Variants in CDKL1 observed in about 807,000 individuals in gnomAD.
The protein encoded by CDKL1 is cyclin dependent kinase like 1, also known as cyclin-dependent kinase-like 1.
CDKL1 carries 41 observed loss-of-function variants against 42.0 expected under a neutral mutation model. The observed-to-expected ratio is 0.98, with a 90% confidence interval of 0.76 to 1.27. CDKL1 has a LOEUF of 1.27. Among genes scored for constraint, CDKL1 ranks in the 50% most tolerant of loss-of-function variants. CDKL1 has a pLI of 0.00. For synonymous variants in CDKL1, 153 were observed against 158.6 expected (o/e 0.96, Z 0.26); for missense variants, 394 against 428.4 (o/e 0.92, Z 0.71).
chr14:50,344,763 T>C (rs756083170), intron 4 of CDKL1, among the ~76,000 whole-genome samples: 16 of 152,204 alleles, frequency 1.1e-4, no homozygotes, highest in Non-Finnish European at 1.8e-4. Context: ...GGAGCCACCA[T>C]GCCTGGCACT....
chr14:50,348,135 TAA>T (rs999067027), intron 3 of CDKL1, among the ~76,000 whole-genome samples: 6 of 152,260 alleles, frequency 3.9e-5, no homozygotes, highest in Admixed American at 1.3e-4. Context: ...GAATGAAAGA[TAA>T]TTAACTTAAC....
chr14:50,393,209 C>T (rs2035308633), intron 2 of CDKL1, among the ~76,000 whole-genome samples: 1 of 152,190 alleles, frequency 6.6e-6, no homozygotes, highest in Non-Finnish European at 1.5e-5. Flanking sequence ...TTTCACCATT[C>T]AACAAGCACC....
At chr14:50,342,769 C>T (rs1324245314) in intron 4 of CDKL1, 1 of 751,774 alleles carries the variant, frequency 1.3e-6, no homozygotes, top group Non-Finnish European at 1.8e-6. Context: ...CAGTCAGCCT[C>T]GTAAACAGGA....
At chr14:50,351,559 T>C (rs555747063) in intron 3 of CDKL1, among the ~76,000 whole-genome samples, 2 of 151,628 alleles carry the variant, frequency 1.3e-5, no homozygotes, top group Non-Finnish European at 2.9e-5. Context: ...CATGGTGATA[T>C]CCCATCTCTA....
chr14:50,381,346 C>T (rs2034901619), intron 2 of CDKL1, among the ~76,000 whole-genome samples: 1 of 152,162 alleles, frequency 6.6e-6, no homozygotes, highest in Admixed American at 6.5e-5. Flanking sequence ...TGACCACTGT[C>T]CTAAGAAAAC....
chr14:50,336,549 T>G (rs1295588042), intron 7 of CDKL1, among the ~76,000 whole-genome samples: 2 of 152,064 alleles, frequency 1.3e-5, no homozygotes, highest in African/African-American at 4.8e-5. Context: ...GCAGAAACCT[T>G]CATTGTGGGA....
chr14:50,362,165 TCC>T, intron 2 of CDKL1: 1 of 216,072 alleles, frequency 4.6e-6, no homozygotes, highest in South Asian at 3.4e-5. Flanking sequence ...GAGCCTCCCC[TCC>T]CCACCCCCCC....
intron 3 of CDKL1, chr14:50,358,144 G>A (rs952147450): frequency 8.3e-6 from 11 of 1,331,934 alleles, no homozygotes; most frequent in African/African-American, 1.5e-5. Context: ...TGTTGCATAT[G>A]CTAGAGAGAG....
At chr14:50,387,619 T>G (rs2035126653) in intron 2 of CDKL1, among the ~76,000 whole-genome samples, 1 of 152,094 alleles carries the variant, frequency 6.6e-6, no homozygotes, top group African/African-American at 2.4e-5. Flanking sequence ...AGGACCCCAG[T>G]TTGCCCCAGT....
chr14:50,334,351 C>G (rs1341356749), intron 8 of CDKL1: 10 of 444,492 alleles, frequency 2.2e-5, no homozygotes, highest in Non-Finnish European at 3.2e-5. Flanking sequence ...ACGGTTTCAC[C>G]ATGTTGACCA....
chr14:50,359,734 A>G (rs1401807485), intron 2 of CDKL1, among the ~76,000 whole-genome samples: 1 of 151,554 alleles, frequency 6.6e-6, no homozygotes, highest in Admixed American at 6.6e-5. Flanking sequence ...GGCCGTGTAC[A>G]TAACAGGCAT....
chr14:50,373,633 G>A lies in CDKL1; in HGVS notation c.169-14484C>T, dbSNP rs532100373. On this transcript the variant is annotated intron_variant, in intron 2 of 9. Coordinates refer to ENST00000395834, the MANE Select transcript of CDKL1 (RefSeq NM_004196.7). ...TCTGAGCAGATACCTCACTGAAGAA[G>A]ATATAATACAGATGGGAAATTTTAA... Among the ~76,000 whole-genome samples the A allele has an allele frequency of 1.2e-3, 179 of 152,254 alleles. 2 individuals are homozygous for A. The highest frequency in any genetic ancestry group is 4.2e-3 in the African/African-American group (174 of 41,546).
chr14:50,385,409 C>G (rs934831390), intron 2 of CDKL1, among the ~76,000 whole-genome samples: 4 of 152,136 alleles, frequency 2.6e-5, no homozygotes, highest in African/African-American at 9.7e-5. Flanking sequence ...GCACATTCCA[C>G]AAAACAGATG....
chr14:50,349,921 A>G (rs1430199825), intron 3 of CDKL1, among the ~76,000 whole-genome samples: 1 of 152,090 alleles, frequency 6.6e-6, no homozygotes, highest in African/African-American at 2.4e-5. Context: ...GGCACACACC[A>G]CCACACCCAG....
intron 2 of CDKL1, among the ~76,000 whole-genome samples, chr14:50,376,620 A>T (rs1288862655): frequency 6.6e-6 from 1 of 152,212 alleles, no homozygotes; most frequent in Non-Finnish European, 1.5e-5. Flanking sequence ...GTAATTTTAT[A>T]AAAAATATAT....
intron 2 of CDKL1, among the ~76,000 whole-genome samples, chr14:50,371,636 T>A (rs1566600148): frequency 6.6e-6 from 1 of 152,150 alleles, no homozygotes; most frequent in Non-Finnish European, 1.5e-5. Flanking sequence ...CTGGCTGCAG[T>A]GGGGGAGGCG....
rs2032713579 is a variant in CDKL1, at chr14:50,326,588, A to G, written c.*3486T>C. The G allele has an allele frequency of 2.0e-6, 2 of 985,454 alleles. No homozygotes were observed. The highest frequency in any genetic ancestry group is 3.5e-5 in the African/African-American group (2 of 57,360). The allele number at this position is 985,454 out of a possible 1,614,324, so 61.0% of individuals were successfully genotyped here. A position where few individuals can be genotyped will look rare whatever the true frequency, so the allele number is the denominator to read the frequency against. ...TAGCATACAGACTTACTCAGAATCA[A>G]CAGTTGCTGCTTAATTTGTCTATTT... On this transcript the variant is annotated 3_prime_UTR_variant, in exon 10 of 10. Coordinates refer to ENST00000395834, the MANE Select transcript of CDKL1 (RefSeq NM_004196.7).
intron 2 of CDKL1, among the ~76,000 whole-genome samples, chr14:50,367,076 C>T (rs1595339723): frequency 6.6e-6 from 1 of 152,164 alleles, no homozygotes; most frequent in African/African-American, 2.4e-5. Flanking sequence ...CTAAAGAACC[C>T]TCCCACCCAG....
chr14:50,342,752 C>A (rs2033589450), intron 4 of CDKL1: 6 of 599,562 alleles, frequency 1.0e-5, no homozygotes, highest in African/African-American at 2.0e-5. Context: ...TAACTGTGAA[C>A]AGAACACAGT....
Sources: gnomAD v4.1 joint callset for allele counts (sites outside exome capture counted in the v4.1 genomes callset) on GRCh38, gnomAD v4.1.1 for gene constraint, MANE v1.5 for transcripts, NCBI Gene and HGNC (gene_info 2026-07-23, HGNC 2026-07-21) for gene names.